The following DPP10 variants were observed in gnomAD, a reference collection of about 807,000 sequenced individuals.
DPP10 encodes the protein dipeptidyl peptidase like 10.
Under a neutral mutation model 120.9 loss-of-function variants are expected in DPP10, and 33 were observed. The ratio of observed to expected loss-of-function variants is 0.27; its 90% CI spans 0.21 to 0.37. The LOEUF is 0.37. Among genes scored for constraint, DPP10 ranks in the 10% least tolerant of loss-of-function variants. DPP10 has a pLI of 1.00. For missense variants in DPP10, 816 were observed against 942.8 expected (o/e 0.87, Z 1.76); for synonymous variants, 337 against 326.1 (o/e 1.03, Z -0.36).
chr2:114,647,253 G>T (rs1696210840), intron 1 of DPP10, among the ~76,000 whole-genome samples: 1 of 152,204 alleles, frequency 6.6e-6, no homozygotes, highest in African/African-American at 2.4e-5. Flanking sequence ...TGTTTTGGGT[G>T]TAGGGGGAGA....
intron 1 of DPP10, among the ~76,000 whole-genome samples, chr2:114,830,118 A>G (rs1416786844): frequency 6.6e-6 from 1 of 152,028 alleles, no homozygotes; most frequent in Non-Finnish European, 1.5e-5. Flanking sequence ...CCTTCCATCT[A>G]ATTTTCACAG....
rs182402734 is a variant in DPP10 at position 115,014,595 on chromosome 2, C to G, written c.61-294644C>G. 3.2e-3 allele frequency among the ~76,000 whole-genome samples: 488 copies of G among 151,542 alleles called. 2 individuals carry two copies. Among genetic ancestry groups the G allele is most frequent in the Middle Eastern group, 6.8e-3 (2 of 294 alleles). On this transcript the variant is annotated intron_variant, in intron 1 of 25. Coordinates refer to ENST00000410059, the MANE Select transcript of DPP10 (RefSeq NM_020868.6). ...AAGATCAACAAAATAGACCAGTAGC[C>G]AGACTAATAAAGAATAAAAGAGAGA...
intron 2 of DPP10, among the ~76,000 whole-genome samples, chr2:115,329,602 A>G (rs868112491): frequency 6.6e-6 from 1 of 151,906 alleles, no homozygotes; most frequent in Non-Finnish European, 1.5e-5. Context: ...CTACCCAATG[A>G]CAGGCCCTGG....
intron 24 of DPP10, among the ~76,000 whole-genome samples, chr2:115,838,582 T>G (rs1689768994): frequency 6.6e-6 from 1 of 152,204 alleles, no homozygotes; most frequent in Non-Finnish European, 1.5e-5. Flanking sequence ...GTTAAATTAT[T>G]GTATGTCTAC....
chr2:114,530,736 T>A (rs1447211675), intron 1 of DPP10, among the ~76,000 whole-genome samples: 2 of 152,088 alleles, frequency 1.3e-5, no homozygotes, highest in Non-Finnish European at 2.9e-5. Flanking sequence ...TACAATGAGA[T>A]AGTCAAAAAA....
At chr2:115,457,400 T>C (rs2073649381) in intron 3 of DPP10, among the ~76,000 whole-genome samples, 1 of 152,022 alleles carries the variant, frequency 6.6e-6, no homozygotes, top group Admixed American at 6.6e-5. Context: ...AAGTGAAAAT[T>C]AATAAACTTG....
At position 114,788,307 on chromosome 2, in the gene DPP10, T is replaced by C. The variant is rs143024822; in HGVS notation, c.60+345469T>C. 1.6e-3 allele frequency among the ~76,000 whole-genome samples: 240 copies of C among 152,340 alleles called. 2 individuals carry two copies. Among genetic ancestry groups the C allele is most frequent in the African/African-American group, 5.3e-3 (221 of 41,570 alleles). ...CGAGAAATGCCATTTATACTCATCC[T>C]ATGTTTATCTAAATATATGTATATA... On this transcript the variant is annotated intron_variant, in intron 1 of 25. Coordinates refer to ENST00000410059, the MANE Select transcript of DPP10 (RefSeq NM_020868.6).
chr2:114,489,160 T>C (rs146764791), intron 1 of DPP10, among the ~76,000 whole-genome samples: 3 of 152,222 alleles, frequency 2.0e-5, no homozygotes, highest in African/African-American at 4.8e-5. Flanking sequence ...CATGCCCGGA[T>C]CCCTTATGTA....
At chr2:114,572,533 G>A (rs1019487540) in intron 1 of DPP10, among the ~76,000 whole-genome samples, 1 of 152,226 alleles carries the variant, frequency 6.6e-6, no homozygotes, top group Non-Finnish European at 1.5e-5. Context: ...TGAGAAACAT[G>A]ATCAGAAGAG....
intron 1 of DPP10, among the ~76,000 whole-genome samples, chr2:114,951,196 C>T (rs1009686561): frequency 2.0e-5 from 3 of 152,116 alleles, no homozygotes; most frequent in Admixed American, 2.0e-4. Flanking sequence ...ATTTAGTACA[C>T]AACACTGGCA....
At position 115,623,876 on chromosome 2, in the gene DPP10, A is replaced by G. The variant is rs368166884; in HGVS notation, c.442-65811A>G. 2.3e-4 allele frequency among the ~76,000 whole-genome samples: 34 copies of G among 149,846 alleles called. No homozygotes were observed. In the East Asian group the frequency reaches 3.9e-3, roughly 17 times the overall value. On this transcript the variant is annotated intron_variant, in intron 5 of 25. Transcript: ENST00000410059. ...CTCCACGAAACATTTTCTGAAAAAAAAATTACATAGAACATTGTTGGTCAA... is the reference window on the plus strand; with the variant it reads ...CTCCACGAAACATTTTCTGAAAAAAGAATTACATAGAACATTGTTGGTCAA...
intron 1 of DPP10, among the ~76,000 whole-genome samples, chr2:114,699,265 A>G (rs1160315866): frequency 1.3e-5 from 2 of 152,084 alleles, no homozygotes; most frequent in South Asian, 2.1e-4. Context: ...ATAAATATAC[A>G]TATGCATGCA....
chr2:115,747,975 T>G (rs1678209871), intron 10 of DPP10, among the ~76,000 whole-genome samples: 1 of 152,172 alleles, frequency 6.6e-6, no homozygotes, highest in African/African-American at 2.4e-5. Flanking sequence ...ATATCCATGT[T>G]TCTTTCTAAA....
chr2:115,656,623 A>G (rs1389750436), intron 5 of DPP10, among the ~76,000 whole-genome samples: 2 of 151,752 alleles, frequency 1.3e-5, no homozygotes, highest in African/African-American at 2.4e-5. Context: ...AGAGATATTC[A>G]TATTAAAAAT....
intron 1 of DPP10, among the ~76,000 whole-genome samples, chr2:114,528,625 T>C (rs983344753): frequency 6.6e-6 from 1 of 151,416 alleles, no homozygotes; most frequent in Non-Finnish European, 1.5e-5. Context: ...ATGGTTCATA[T>C]AGATTTGAGA....
intron 1 of DPP10, among the ~76,000 whole-genome samples, chr2:114,950,508 G>T (rs1348908133): frequency 6.6e-6 from 1 of 151,286 alleles, no homozygotes; most frequent in East Asian, 1.9e-4. Context: ...GGTTTTCACG[G>T]TGTTAGCAGG....
chr2:115,477,328 C>G (rs2075150791), intron 3 of DPP10, among the ~76,000 whole-genome samples: 1 of 151,998 alleles, frequency 6.6e-6, no homozygotes, highest in East Asian at 1.9e-4. Flanking sequence ...GGTACAAAGT[C>G]AATACACAAA....
At chr2:114,505,340 G>A (rs13399497) in intron 1 of DPP10, among the ~76,000 whole-genome samples, 5,900 of 152,084 alleles carry the variant, frequency 0.039, 384 homozygotes, top group African/African-American at 0.14. Context: ...AGAAGATAAA[G>A]GTTATTTTAG....
intron 1 of DPP10, among the ~76,000 whole-genome samples, chr2:114,746,710 G>A (rs1326289139): frequency 2.0e-5 from 3 of 152,146 alleles, no homozygotes. Flanking sequence ...CCAAAGGAGA[G>A]CCAGGAAACA....
Sources: gnomAD v4.1 joint callset for allele counts (sites outside exome capture counted in the v4.1 genomes callset) on GRCh38, gnomAD v4.1.1 for gene constraint, MANE v1.5 for transcripts, NCBI Gene and HGNC (gene_info 2026-07-23, HGNC 2026-07-21) for gene names.